Variants in DENND10 observed in about 807,000 individuals in gnomAD.
DENND10 encodes the protein DENN domain-containing protein 10.
A neutral mutation model predicts 43.6 loss-of-function variants in DENND10; 24 were observed. The ratio of observed to expected loss-of-function variants is 0.55; its 90% CI spans 0.40 to 0.77. DENND10 has a LOEUF of 0.77. DENND10 is among the 30% of genes least tolerant of loss of function. The pLI, the probability that DENND10 is intolerant of heterozygous loss-of-function variation, is 0.00. For missense variants in DENND10, 303 were observed against 429.9 expected (o/e 0.70, Z 2.61); for synonymous variants, 125 against 157.6 (o/e 0.79, Z 1.55).
At chr10:119,134,280 C>A (rs1173750613) in intron 8 of DENND10, among the ~76,000 whole-genome samples, 1 of 151,396 alleles carries the variant, frequency 6.6e-6, no homozygotes, top group Non-Finnish European at 1.5e-5. Flanking sequence ...CTCAAGTGCT[C>A]CGCCTACCTC....
chr10:119,107,199 C>T (rs1047672762), intron 1 of DENND10, among the ~76,000 whole-genome samples: 3 of 151,994 alleles, frequency 2.0e-5, no homozygotes, highest in African/African-American at 7.2e-5. Flanking sequence ...CACCTGTAAT[C>T]CCAGCTACTT....
intron 6 of DENND10, 169 bp from the exon 7 acceptor site, chr10:119,129,344 CAG>C (rs1366570446): frequency 5.0e-6 from 3 of 594,972 alleles, no homozygotes; most frequent in African/African-American, 1.9e-5. Context: ...TGAATATCTT[CAG>C]GCAACTGATA....
In DENND10 at chr10:119,132,669, C is replaced by T. The variant is rs1360571556; in HGVS notation, c.897+60C>T. ...TGACCCGGTGTCGCTGGGTGGTGTG[C>T]GGCAGAGCTGTGCACATAAGCAGAG... is the stretch of plus-strand genomic sequence containing the variant. On this transcript the variant is annotated intron_variant, in intron 8 of 8. Coordinates refer to ENST00000361432, the MANE Select transcript of DENND10 (RefSeq NM_207009.4). The surrounding 1 kb of genome is among the most constrained non-coding windows in gnomAD (Gnocchi z 4.2). The T allele has an allele frequency of 2.4e-5, 33 of 1,378,198 alleles. No individual in the cohort carries two copies. The highest frequency in any genetic ancestry group is 1.8e-4 in the Middle Eastern group (1 of 5,654). 85.4% of individuals were successfully genotyped at this position (1,378,198 alleles called of 1,614,324 possible).
At chr10:119,108,792 T>C (rs12221021) in intron 2 of DENND10, among the ~76,000 whole-genome samples, 1 of 151,028 alleles carries the variant, frequency 6.6e-6, no homozygotes, top group Non-Finnish European at 1.5e-5. Context: ...GTAGCTGGGA[T>C]TGCAGGCACC....
chr10:119,108,779 C>T (rs1209995027), intron 2 of DENND10, among the ~76,000 whole-genome samples: 1 of 151,500 alleles, frequency 6.6e-6, no homozygotes, highest in East Asian at 2.1e-4. Context: ...TTCAGCCTCC[C>T]GAGTAGCTGG....
chr10:119,107,400 C>T (rs1365375251), intron 1 of DENND10, among the ~76,000 whole-genome samples: 2 of 149,530 alleles, frequency 1.3e-5, no homozygotes, highest in Non-Finnish European at 3.0e-5. Flanking sequence ...TAACATCTTT[C>T]TTTGTCTTTT....
intron 2 of DENND10, 76 bp downstream of exon 2, chr10:119,108,240 T>A: frequency 9.6e-7 from 1 of 1,038,408 alleles, no homozygotes; most frequent in East Asian, 2.4e-5. Context: ...ATCCCAGCAC[T>A]TTGGGAGGCT....
intron 4 of DENND10, among the ~76,000 whole-genome samples, chr10:119,119,075 G>A (rs924328487): frequency 2.6e-5 from 4 of 151,112 alleles, no homozygotes; most frequent in East Asian, 1.9e-4. Context: ...GCTGGGTGGC[G>A]CGATCTTGGC....
Position 119,108,183 on chromosome 10 carries a change from A to T in DENND10, c.252+19A>T, listed in dbSNP as rs756522304. On this transcript the variant is annotated intron_variant, in intron 2 of 8. Coordinates refer to ENST00000361432, the MANE Select transcript of DENND10 (RefSeq NM_207009.4). ...GAAAAAGGTATGATTGCGTGAAGGT[A>T]AAAAAAAAACCCCAAAATAGGCTGG... 1 of 1,192,804 alleles carries T rather than the reference A, an allele frequency of 8.4e-7. No homozygotes were observed. Among genetic ancestry groups the T allele is most frequent in the Non-Finnish European group, 1.2e-6 (1 of 852,520 alleles). The allele number at this position is 1,192,804 out of a possible 1,614,324, so 73.9% of individuals were successfully genotyped here.
intron 3 of DENND10, among the ~76,000 whole-genome samples, chr10:119,112,403 T>A (rs941471861): frequency 6.6e-6 from 1 of 152,196 alleles, no homozygotes; most frequent in Non-Finnish European, 1.5e-5. Context: ...TAGTCACGAT[T>A]CAGCTAGACT....
In DENND10 at chr10:119,123,557, C is replaced by T. The variant is rs771281126; in HGVS notation, c.682C>T (p.Gln228Ter). 1 of 1,609,844 alleles carries T rather than the reference C, an allele frequency of 6.2e-7. No homozygotes were observed. The highest frequency in any genetic ancestry group is 1.1e-5 in the South Asian group (1 of 91,002). ...HLNADELEAL[Q>*]MCTGYVAGFV... Reference sequence around the variant, plus strand: ...CAACGCCGATGAGCTGGAAGCCCTGCAGATGTGCACAGGTAGACAAGAGGA... The same window carrying T: ...CAACGCCGATGAGCTGGAAGCCCTGTAGATGTGCACAGGTAGACAAGAGGA... The change falls in exon 6 of 9, where the codon CAG (glutamine) becomes TAG (stop). Residue 228 changes from glutamine (Q) to a stop codon, truncating the protein, a stop_gained. Transcript: ENST00000361432. LOFTEE classifies it high-confidence loss of function.
chr10:119,135,791 T>TG (rs1554883518), intron 8 of DENND10, among the ~76,000 whole-genome samples: 1 of 64,008 alleles, frequency 1.6e-5, no homozygotes, highest in Non-Finnish European at 2.8e-5. Flanking sequence ...ACTAAAATTG[T>TG]AAAAAAAAAA....
chr10:119,112,597 G>A (rs1589718738), intron 3 of DENND10, among the ~76,000 whole-genome samples: 1 of 149,198 alleles, frequency 6.7e-6, no homozygotes, highest in South Asian at 2.1e-4. Flanking sequence ...GGACTCAGGT[G>A]ATCCTCCCAC....
At chr10:119,115,669 T>G (rs1404942377) in intron 3 of DENND10, among the ~76,000 whole-genome samples, 1 of 151,636 alleles carries the variant, frequency 6.6e-6, no homozygotes, top group Non-Finnish European at 1.5e-5. Context: ...AATTGGTAAT[T>G]TTTAAAAAAA....
intron 3 of DENND10, among the ~76,000 whole-genome samples, chr10:119,116,665 CTTTTTTTTTTTTTTT>C (rs71016543): frequency 0.43 from 56,967 of 132,426 alleles, 11,103 homozygotes; most frequent in Non-Finnish European, 0.45. Context: ...TTCTTTCTTT[CTTTTTTTTTTTTTTT>C]TTTTTTGAGA....
At chr10:119,110,321 A>C (rs1267084968) in intron 2 of DENND10, among the ~76,000 whole-genome samples, 3 of 151,340 alleles carry the variant, frequency 2.0e-5, no homozygotes, top group East Asian at 3.9e-4. Flanking sequence ...ACAGGCATGC[A>C]CCACCACCTA....
chr10:119,135,772 CAG>C (rs1437718540), intron 8 of DENND10, among the ~76,000 whole-genome samples: 1 of 45,662 alleles, frequency 2.2e-5, no homozygotes, highest in African/African-American at 8.6e-5. Context: ...ATTATACACT[CAG>C]AAAATGACTA....
chr10:119,110,322 C>T (rs6585534), intron 2 of DENND10, among the ~76,000 whole-genome samples: 57,454 of 151,486 alleles, frequency 0.38, 11,084 homozygotes, highest in Non-Finnish European at 0.4. Flanking sequence ...CAGGCATGCA[C>T]CACCACCTAC....
At chr10:119,121,595 C>T (rs12355525) in intron 5 of DENND10, among the ~76,000 whole-genome samples, 82,234 of 151,300 alleles carry the variant, frequency 0.54, 22,623 homozygotes, top group Middle Eastern at 0.67. Flanking sequence ...GCTGAGACTA[C>T]AGGTGCGCAC....
Sources: allele counts gnomAD v4.1 joint callset (sites outside exome capture counted in the v4.1 genomes callset), GRCh38; gene constraint gnomAD v4.1.1; non-coding constraint Gnocchi (gnomAD v3.1); transcripts MANE v1.5; gene names NCBI Gene and HGNC (gene_info 2026-07-23, HGNC 2026-07-21).